The following SMURF2 variants were observed in gnomAD, a reference collection of about 807,000 sequenced individuals.
SMURF2 encodes SMAD specific E3 ubiquitin protein ligase 2, also known as E3 ubiquitin-protein ligase SMURF2.
Under a neutral mutation model 109.6 loss-of-function variants are expected in SMURF2, and 48 were observed. The ratio of observed to expected loss-of-function variants is 0.44; its 90% CI spans 0.35 to 0.56. The LOEUF is 0.56. Ranked by LOEUF, SMURF2 falls within the 20% of genes least tolerant of loss-of-function variation. The probability of loss-of-function intolerance (pLI) is 0.01; values close to 1 mark genes in which losing one functional copy is unlikely to be tolerated. For missense variants in SMURF2, 575 were observed against 909.0 expected (o/e 0.63, Z 4.72); for synonymous variants, 288 against 317.1 (o/e 0.91, Z 0.97).
At chr17:64,601,408 A>T (rs1969893796) in intron 2 of SMURF2, among the ~76,000 whole-genome samples, 4 of 152,246 alleles carry the variant, frequency 2.6e-5, no homozygotes, top group Admixed American at 1.3e-4. Flanking sequence ...TCTCAAAAAA[A>T]GATATATCAA....
At chr17:64,557,409 A>C (rs943211549) in intron 13 of SMURF2, among the ~76,000 whole-genome samples, 199 bp downstream of exon 13, 2 of 152,206 alleles carry the variant, frequency 1.3e-5, no homozygotes, top group Admixed American at 6.6e-5. Flanking sequence ...GTGCTACTAT[A>C]AACAATAAAC....
chr17:64,549,282 A>G (rs1419752193), intron 16 of SMURF2, among the ~76,000 whole-genome samples: 1 of 150,428 alleles, frequency 6.6e-6, no homozygotes, highest in Non-Finnish European at 1.5e-5. Flanking sequence ...AAAAAAAAAA[A>G]AAAAAGCCAA....
chr17:64,617,065 TAAAAAAAAAAA>T (rs35408397), intron 1 of SMURF2, among the ~76,000 whole-genome samples: 5 of 48,496 alleles, frequency 1.0e-4, no homozygotes, highest in African/African-American at 1.7e-4. Flanking sequence ...AGACCTTGTC[TAAAAAAAAAAA>T]AAAAAAAAAA....
chr17:64,545,787 T>C lies in SMURF2; in HGVS notation c.*61A>G. On this transcript the variant is annotated 3_prime_UTR_variant, in exon 19 of 19. Transcript: ENST00000262435. ...TTCAGCATATTCTTTGAAACTCTGC[T>C]GAAAGGAGGCTGTCAGTCAGGGTTG... is the stretch of plus-strand genomic sequence containing the variant. The C allele has an allele frequency of 1.3e-6, 1 of 786,248 alleles. No individual in the cohort carries two copies. Among genetic ancestry groups the C allele is most frequent in the Non-Finnish European group, 2.1e-6 (1 of 473,088 alleles). The allele number at this position is 786,248 out of a possible 1,614,324, so 48.7% of individuals were successfully genotyped here.
chr17:64,605,744 AATATATATAT>A (rs71158333), intron 2 of SMURF2, among the ~76,000 whole-genome samples: 5,305 of 99,098 alleles, frequency 0.054, 531 homozygotes, highest in African/African-American at 0.2. Flanking sequence ...CTCTAAAAAG[AATATATATAT>A]ATATATATAT....
Position 64,583,502 on chromosome 17 carries a change from T to C in SMURF2, c.528A>G (p.Leu176=), listed in dbSNP as rs1969605252. Residue 176 remains leucine (L), a synonymous_variant, in exon 7 of 19, where the codon CTA becomes CTG. Transcript: ENST00000262435. ...ATTGCGTAGTTCTTGTTATATGGTT[T>C]AGATACTGGATTCTTCCAGAGGCGG... ...RRTASGRIQY[L]NHITRTTQWE... is the part of the protein sequence containing the mutation. The C allele has an allele frequency of 6.2e-7, 1 of 1,613,994 alleles. No homozygotes were observed. Among genetic ancestry groups the C allele is most frequent in the African/African-American group, 1.3e-5 (1 of 74,932 alleles).
intron 1 of SMURF2, among the ~76,000 whole-genome samples, chr17:64,639,563 C>T (rs1025368116): frequency 3.3e-5 from 5 of 151,442 alleles, no homozygotes; most frequent in Non-Finnish European, 5.9e-5. Context: ...GGCGACAGAG[C>T]GAGACTCTGA....
chr17:64,635,107 G>T (rs528889455), intron 1 of SMURF2, among the ~76,000 whole-genome samples: 5 of 151,984 alleles, frequency 3.3e-5, no homozygotes, highest in African/African-American at 9.7e-5. Flanking sequence ...TGAGTGGATC[G>T]CTTGAGGCCA....
rs1968971465 is a variant in SMURF2, at chr17:64,547,285, A to G, written c.2071+315T>C. The stretch of plus-strand genomic sequence containing the variant: ...CGTTTCACCAGGTCAAGATGTGAAC[A>G]TGGAAGTGAACGACTTCCCTACAGG... On this transcript the variant is annotated intron_variant, in intron 17 of 18. Coordinates refer to ENST00000262435, the MANE Select transcript of SMURF2 (RefSeq NM_022739.4). The surrounding 1 kb of genome is among the most constrained non-coding windows in gnomAD (Gnocchi z 4.2). Among the ~76,000 whole-genome samples the G allele has an allele frequency of 6.6e-6, 1 of 152,330 alleles. No homozygotes were observed. Among genetic ancestry groups the G allele is most frequent in the South Asian group, 2.1e-4 (1 of 4,830 alleles).
intron 2 of SMURF2, among the ~76,000 whole-genome samples, chr17:64,599,133 C>G (rs1261375242): frequency 6.6e-6 from 1 of 152,206 alleles, no homozygotes; most frequent in Admixed American, 6.5e-5. Context: ...ATGTTAGGTA[C>G]TATTCTAAAT....
chr17:64,648,370 G>T (rs1362644852), intron 1 of SMURF2, among the ~76,000 whole-genome samples: 1 of 152,108 alleles, frequency 6.6e-6, no homozygotes, highest in Non-Finnish European at 1.5e-5. Context: ...ACTTAATGAT[G>T]TTGAAATTAC....
intron 1 of SMURF2, among the ~76,000 whole-genome samples, chr17:64,635,408 G>A (rs533578844): frequency 6.6e-6 from 1 of 152,072 alleles, no homozygotes; most frequent in Non-Finnish European, 1.5e-5. Flanking sequence ...TTTTAGCATA[G>A]TCACAGTGCT....
At chr17:64,611,718 TCTC>T (rs1205874583) in intron 1 of SMURF2, among the ~76,000 whole-genome samples, 2 of 152,164 alleles carry the variant, frequency 1.3e-5, no homozygotes, top group African/African-American at 2.4e-5. Context: ...TCTTTCCAGT[TCTC>T]CACGCTGGAC....
At chr17:64,639,843 C>A (rs551376196) in intron 1 of SMURF2, among the ~76,000 whole-genome samples, 235 of 152,304 alleles carry the variant, frequency 1.5e-3, no homozygotes, top group Admixed American at 0.015. Flanking sequence ...ATGAAACACA[C>A]ACACAATCCC....
At chr17:64,586,460 G>C (rs1969653956) in intron 5 of SMURF2, among the ~76,000 whole-genome samples, 1 of 152,080 alleles carries the variant, frequency 6.6e-6, no homozygotes, top group South Asian at 2.1e-4. Flanking sequence ...TAATTAAGAA[G>C]AGGCATAGCT....
In SMURF2 at chr17:64,554,991, T is replaced by G. The variant is rs912073687; in HGVS notation, c.1613A>C (p.Glu538Ala). ...DLHNSLVWIL[E>A]NDITGVLDHT... ...GTCCAAAACACCTGTAATATCATTC[T>G]CACTGGATAGGAAAGAGGAAAAGAT... is the stretch of plus-strand genomic sequence containing the variant. The change falls in exon 15 of 19, where the codon GAG becomes GCG. Residue 538 changes from glutamate (E) to alanine (A), a missense_variant and splice_region_variant. By Grantham distance (107) the Glu-to-Ala change is moderately radical. Around this residue, in one of 5 missense-constraint regions of SMURF2, gnomAD observed 361 missense variants for 612.1 expected, o/e 0.59. Coordinates refer to ENST00000262435, the MANE Select transcript of SMURF2 (RefSeq NM_022739.4). 7 of 1,612,860 alleles carry G rather than the reference T, an allele frequency of 4.3e-6. No individual in the cohort carries two copies. Among genetic ancestry groups the G allele is most frequent in the Non-Finnish European group, 5.9e-6 (7 of 1,179,410 alleles).
intron 1 of SMURF2, among the ~76,000 whole-genome samples, chr17:64,657,669 C>A (rs1229196561): frequency 3.3e-5 from 5 of 151,062 alleles, no homozygotes; most frequent in African/African-American, 1.2e-4. Flanking sequence ...GCTCACTGCA[C>A]GCTGTTGCCA....
In SMURF2 at chr17:64,566,272, TTTC is replaced by T. The variant is rs377321323; in HGVS notation, c.1017-3309_1017-3307del. On this transcript the variant is annotated intron_variant, in intron 10 of 18. Coordinates refer to ENST00000262435, the MANE Select transcript of SMURF2 (RefSeq NM_022739.4). ...AACTACAATTTTAAGATTAAAATTG[TTTC>T]TTATGTATCTCAATAAATTGTTTCA... 9.1e-4 allele frequency among the ~76,000 whole-genome samples: 139 copies of T among 152,020 alleles called. 4 individuals carry two copies. In the East Asian group the frequency reaches 0.023, roughly 25 times the overall value.
intron 10 of SMURF2, among the ~76,000 whole-genome samples, chr17:64,570,292 AAGAC>A (rs1244404001): frequency 2.0e-5 from 3 of 152,368 alleles, no homozygotes; most frequent in African/African-American, 7.2e-5. Context: ...ACAAATGAAT[AAGAC>A]AGAGCAGGTA....
Sources: allele counts gnomAD v4.1 joint callset (sites outside exome capture counted in the v4.1 genomes callset), GRCh38; gene constraint gnomAD v4.1.1; regional missense constraint gnomAD v4.1.1; non-coding constraint Gnocchi (gnomAD v3.1); transcripts MANE v1.5; gene names NCBI Gene and HGNC (gene_info 2026-07-23, HGNC 2026-07-21).